ZFC3H1: variants seen among roughly 807,000 people sequenced by gnomAD.
ZFC3H1 encodes the protein zinc finger C3H1-type containing.
A neutral mutation model predicts 243.7 loss-of-function variants in ZFC3H1; 71 were observed. The ratio of observed to expected loss-of-function variants is 0.29; its 90% CI spans 0.24 to 0.36. ZFC3H1 has a LOEUF of 0.36. Ranked by LOEUF, ZFC3H1 falls within the 10% of genes least tolerant of loss-of-function variation. The pLI is 1.00. For synonymous variants in ZFC3H1, 838 were observed against 813.0 expected, an observed-to-expected ratio of 1.03 and a Z score of -0.52; for missense variants, 1,966 against 2,317.1, an observed-to-expected ratio of 0.85 and a Z score of 3.11.
chr12:71,615,702 G>T (rs1879878154), intron 27 of ZFC3H1, among the ~76,000 whole-genome samples: 1 of 152,038 alleles, frequency 6.6e-6, no homozygotes, highest in East Asian at 1.9e-4. Flanking sequence ...ATTTGTAATA[G>T]AGATGGTGTT....
At chr12:71,634,600 G>T in intron 11 of ZFC3H1, 104 bp downstream of exon 11, 1 of 1,297,962 alleles carries the variant, frequency 7.7e-7, no homozygotes, top group Non-Finnish European at 1.0e-6. Flanking sequence ...TCTGTATCTT[G>T]GATAAAACTA....
intron 2 of ZFC3H1, among the ~76,000 whole-genome samples, chr12:71,655,871 C>T: frequency 6.6e-6 from 1 of 152,102 alleles, no homozygotes; most frequent in East Asian, 1.9e-4. Context: ...AAACAAAACA[C>T]TAGCAAACCT....
chr12:71,633,915 C>T (rs1341563563), intron 12 of ZFC3H1, among the ~76,000 whole-genome samples: 1 of 152,166 alleles, frequency 6.6e-6, no homozygotes, highest in Non-Finnish European at 1.5e-5. Flanking sequence ...ACCTCGGCCT[C>T]TCAAATTGCT....
At chr12:71,616,657 T>C (rs1879900990) in intron 27 of ZFC3H1, among the ~76,000 whole-genome samples, 1 of 152,194 alleles carries the variant, frequency 6.6e-6, no homozygotes, top group Non-Finnish European at 1.5e-5. Context: ...TTAAAGGAAA[T>C]ACATTGATCG....
At position 71,610,220 on chromosome 12, in the gene ZFC3H1, G is replaced by C; in HGVS notation, c.*208C>G. On this transcript the variant is annotated 3_prime_UTR_variant, in exon 35 of 35. Coordinates refer to ENST00000378743, the MANE Select transcript of ZFC3H1 (RefSeq NM_144982.5). ...AGAATCTGGCAGGGCCTAGAAGCAG[G>C]CCAAACAGGAAGTTCATTTATCCAA... 3.9e-6 allele frequency: 2 copies of C among 513,950 alleles called. No homozygotes were observed. The highest frequency in any genetic ancestry group is 6.7e-6 in the Non-Finnish European group (2 of 298,430). 31.8% of individuals were successfully genotyped at this position (513,950 alleles called of 1,614,324 possible).
chr12:71,616,324 T>C (rs1483013059), intron 27 of ZFC3H1, among the ~76,000 whole-genome samples: 1 of 152,112 alleles, frequency 6.6e-6, no homozygotes, highest in African/African-American at 2.4e-5. Flanking sequence ...AAACCTTATA[T>C]CTGAAAGTAA....
intron 7 of ZFC3H1, among the ~76,000 whole-genome samples, chr12:71,637,836 T>C (rs555623459): frequency 2.7e-4 from 41 of 152,298 alleles, no homozygotes; most frequent in South Asian, 6.2e-4. Flanking sequence ...CTAGGTCCTC[T>C]CAATCTAAAA....
At chr12:71,655,960 G>A (rs1565829295) in intron 2 of ZFC3H1, among the ~76,000 whole-genome samples, 2 of 151,890 alleles carry the variant, frequency 1.3e-5, no homozygotes, top group Non-Finnish European at 2.9e-5. Flanking sequence ...GGGATACACA[G>A]AACTACTGAC....
chr12:71,615,098 C>T, intron 28 of ZFC3H1, 108 bp downstream of exon 28: 2 of 1,146,888 alleles, frequency 1.7e-6, no homozygotes, highest in Non-Finnish European at 2.5e-6. Context: ...TTCAATTGTG[C>T]TTCAATGACT....
intron 11 of ZFC3H1, 133 bp downstream of exon 11, chr12:71,634,571 T>C: frequency 9.1e-7 from 1 of 1,104,398 alleles, no homozygotes; most frequent in African/African-American, 1.6e-5. Flanking sequence ...ATCTTCTGTG[T>C]GAGTTATAAA....
At position 71,634,692 on chromosome 12, in the gene ZFC3H1, A is replaced by T. The variant is rs1441238868; in HGVS notation, c.2360+12T>A. 1.3e-6 allele frequency: 2 copies of T among 1,577,886 alleles called. No individual in the cohort carries two copies. The highest frequency in any genetic ancestry group is 1.7e-6 in the Non-Finnish European group (2 of 1,169,334). On this transcript the variant is annotated intron_variant, in intron 11 of 34. Coordinates refer to ENST00000378743, the MANE Select transcript of ZFC3H1 (RefSeq NM_144982.5). ...CATACTTTTAATGTTAATTACATAA[A>T]ATTACACTTACTTGGCAATCTCTTC... is the stretch of plus-strand genomic sequence containing the variant.
rs758264772 is a variant in ZFC3H1, at chr12:71,656,974, G to A, written c.926C>T (p.Thr309Ile). Residue 309 changes from threonine to isoleucine, a missense_variant, in exon 2 of 35, where the codon ACT (threonine) becomes ATT (isoleucine). Coordinates refer to ENST00000378743, the MANE Select transcript of ZFC3H1 (RefSeq NM_144982.5). ...CAAACGGTTCTTATCTCCTGGTAAA[G>A]TCAATTTTTGCCTGAGTGGTTTTAA... ...FELKPLRQKL[T>I]LPGDKNRLKK... 4.6e-5 allele frequency: 74 copies of A among 1,613,778 alleles called. No individual in the cohort carries two copies. The highest frequency in any genetic ancestry group is 6.0e-5 in the Non-Finnish European group (71 of 1,179,912).
intron 24 of ZFC3H1, among the ~76,000 whole-genome samples, 199 bp from the exon 25 acceptor site, chr12:71,620,514 C>A (rs1879999695): frequency 6.6e-6 from 1 of 152,168 alleles, no homozygotes. Flanking sequence ...TCCTAAAATT[C>A]AATTCCTTAC....
At chr12:71,627,357 T>C (rs1354934121) in intron 21 of ZFC3H1, among the ~76,000 whole-genome samples, 1 of 152,164 alleles carries the variant, frequency 6.6e-6, no homozygotes, top group Non-Finnish European at 1.5e-5. Context: ...TAAATATCCA[T>C]TACAAATTAA....
Position 71,630,612 on chromosome 12 carries a change from T to G in ZFC3H1, c.3712A>C (p.Thr1238Pro), listed in dbSNP as rs1339791374. ...AGTCTTTAAAAACCTGCTGAAGCAG[T>G]AATTTCTTCATTAGTACTTGTCTCT... ...CAETSTNEEI[T>P]ASAEKYVEKL... Residue 1238 changes from threonine to proline, a missense_variant, in exon 18 of 35, where the codon ACT becomes CCT. This residue lies in a region of ZFC3H1 where 1,383 missense variants were observed against 1,723.7 expected (regional missense o/e 0.80). Transcript: ENST00000378743. The G allele has an allele frequency of 6.2e-7, 1 of 1,604,838 alleles. No homozygotes were observed. The highest frequency in any genetic ancestry group is 8.5e-7 in the Non-Finnish European group (1 of 1,177,522).
At chr12:71,656,130 C>A (rs143506840) in intron 2 of ZFC3H1, among the ~76,000 whole-genome samples, 1 of 152,010 alleles carries the variant, frequency 6.6e-6, no homozygotes, top group East Asian at 1.9e-4. Context: ...GGCTGAGGGA[C>A]GGGATAACTA....
At chr12:71,626,619 A>G (rs770641045) in intron 21 of ZFC3H1, among the ~76,000 whole-genome samples, 173 bp from the exon 22 acceptor site, 1 of 152,216 alleles carries the variant, frequency 6.6e-6, no homozygotes, top group African/African-American at 2.4e-5. Flanking sequence ...CACATGCCTA[A>G]AAGTTTCTGA....
In ZFC3H1 at chr12:71,630,674, T is replaced by C. The variant is rs761730669; in HGVS notation, c.3650A>G (p.Asp1217Gly). ...YTLSRKQLFQ[D>G]ILSYNLSLIG... Reference sequence around the variant, plus strand: ...CAAAGACAGATTATATGACAGAATGTCCTGGAATAACTGTTTTCGGCTAAG... The same window carrying C: ...CAAAGACAGATTATATGACAGAATGCCCTGGAATAACTGTTTTCGGCTAAG... The change falls in exon 18 of 35, where the codon GAC becomes GGC. Residue 1217 changes from aspartate (D) to glycine (G), a missense_variant. Transcript: ENST00000378743. 1 of 1,613,622 alleles carries C rather than the reference T, an allele frequency of 6.2e-7. No individual in the cohort carries two copies. Among genetic ancestry groups the C allele is most frequent in the South Asian group, 1.1e-5 (1 of 91,058 alleles).
chr12:71,610,651 T>A, intron 34 of ZFC3H1, 44 bp downstream of exon 34: 2 of 1,612,190 alleles, frequency 1.2e-6, no homozygotes. Context: ...TGCAGAAAAT[T>A]TACAGGAAAA....
Sources: allele counts gnomAD v4.1 joint callset (sites outside exome capture counted in the v4.1 genomes callset), GRCh38; gene constraint gnomAD v4.1.1; regional missense constraint gnomAD v4.1.1; transcripts MANE v1.5; gene names NCBI Gene and HGNC (gene_info 2026-07-23, HGNC 2026-07-21).